MINDY2: variants seen among roughly 807,000 people sequenced by gnomAD.
MINDY2 encodes MINDY lysine 48 deubiquitinase 2.
A neutral mutation model predicts 68.2 loss-of-function variants in MINDY2; 52 were observed. That is an observed-to-expected ratio of 0.76 (90% CI 0.61 to 0.96). The LOEUF (loss-of-function observed/expected upper bound fraction) is 0.96. MINDY2 is among the 40% of genes least tolerant of loss of function. MINDY2 has a pLI of 0.00. For synonymous variants in MINDY2, 372 were observed against 303.0 expected (o/e 1.23, Z -2.36); for missense variants, 881 against 773.4 (o/e 1.14, Z -1.65).
chr15:58,818,152 C>G (rs1468217472), intron 4 of MINDY2, among the ~76,000 whole-genome samples: 2 of 152,156 alleles, frequency 1.3e-5, no homozygotes, highest in African/African-American at 4.8e-5. Flanking sequence ...AGAATATAAG[C>G]TTTATGAAAG....
intron 2 of MINDY2, among the ~76,000 whole-genome samples, chr15:58,788,853 A>T (rs1408199123): frequency 6.6e-6 from 1 of 151,952 alleles, no homozygotes; most frequent in African/African-American, 2.4e-5. Flanking sequence ...GTCTACTAAA[A>T]ATACAAAAAT....
chr15:58,852,002 C>A, intron 8 of MINDY2, 37 bp downstream of exon 8: 3 of 1,476,180 alleles, frequency 2.0e-6, no homozygotes, highest in Non-Finnish European at 1.8e-6. Context: ...ATGTGATGAT[C>A]ATGGCTGGGT....
chr15:58,805,472 GA>G (rs1229022408), intron 3 of MINDY2, among the ~76,000 whole-genome samples: 2 of 152,114 alleles, frequency 1.3e-5, no homozygotes, highest in Admixed American at 1.3e-4. Context: ...AAGAAAACAT[GA>G]TGTGTGTATT....
intron 3 of MINDY2, among the ~76,000 whole-genome samples, chr15:58,804,469 C>G (rs1218937875): frequency 6.6e-6 from 1 of 152,114 alleles, no homozygotes; most frequent in African/African-American, 2.4e-5. Flanking sequence ...CTTTCGTTGC[C>G]TAATCCTGAG....
intron 1 of MINDY2, among the ~76,000 whole-genome samples, chr15:58,785,135 CAAAAAAAAAA>C (rs397719705): frequency 1.5e-5 from 1 of 68,470 alleles, no homozygotes; most frequent in African/African-American, 5.8e-5. Flanking sequence ...TGAAGGAAAG[CAAAAAAAAAA>C]AAAAAAAAAA....
intron 3 of MINDY2, among the ~76,000 whole-genome samples, chr15:58,806,999 G>T (rs1408078096): frequency 3.3e-5 from 5 of 152,116 alleles, no homozygotes; most frequent in African/African-American, 1.2e-4. Flanking sequence ...AATGATTTCT[G>T]TTTACAGTCT....
intron 5 of MINDY2, among the ~76,000 whole-genome samples, chr15:58,831,041 G>GTGTGTGTGTGTATATATATATATATATA (rs565786025): frequency 1.6e-5 from 2 of 124,904 alleles, no homozygotes; most frequent in African/African-American, 6.9e-5. Flanking sequence ...GTGTGTGTGT[G>GTGTGTGTGTGTATATATATATATATATA]TATATATATA....
rs1014701243 is a variant in MINDY2 at position 58,845,427 on chromosome 15, G to A, written c.1369-1870G>A. On this transcript the variant is annotated intron_variant, in intron 6 of 8. Coordinates refer to ENST00000559228, the MANE Select transcript of MINDY2 (RefSeq NM_001040450.3). ...TCTTAAAGAAAAAAGATAAACAAAT[G>A]GCAGACAGGTATGTGAAAAGGTGCT... Among the ~76,000 whole-genome samples, 16 of 151,992 alleles carry A rather than the reference G, an allele frequency of 1.1e-4. No homozygotes were observed. In the East Asian group the frequency reaches 3.1e-3, roughly 29 times the overall value.
At position 58,771,808 on chromosome 15, in the gene MINDY2, C is replaced by T. The variant is rs1374186314; in HGVS notation, c.413C>T (p.Thr138Ile). Residue 138 changes from threonine to isoleucine, a missense_variant, in exon 1 of 9, where the codon ACC becomes ATC. Transcript: ENST00000559228. ...DAGARPDLAG[T>I]CQAELTAAGS... ...GGAGCCCGCCCGGATCTCGCCGGCA[C>T]CTGCCAAGCAGAACTGACCGCCGCC... 107 of 1,610,094 alleles carry T rather than the reference C, an allele frequency of 6.6e-5. No individual in the cohort carries two copies. Among genetic ancestry groups the T allele is most frequent in the Non-Finnish European group, 8.6e-5 (101 of 1,179,026 alleles).
chr15:58,852,938 T>G (rs2032898666), intron 8 of MINDY2, among the ~76,000 whole-genome samples: 2 of 29,980 alleles, frequency 6.7e-5, no homozygotes, highest in Non-Finnish European at 1.6e-4. Flanking sequence ...TTTTTTTTTT[T>G]TTTTTTTTTT....
At chr15:58,807,482 A>T (rs746121283) in intron 3 of MINDY2, among the ~76,000 whole-genome samples, 41 of 149,534 alleles carry the variant, frequency 2.7e-4, no homozygotes, top group Non-Finnish European at 2.1e-4. Context: ...CAGCCTCCCG[A>T]GTAGCTGAGA....
intron 6 of MINDY2, among the ~76,000 whole-genome samples, chr15:58,843,926 A>C (rs1211873783): frequency 6.6e-6 from 1 of 151,466 alleles, no homozygotes; most frequent in African/African-American, 2.4e-5. Context: ...ATAATATTTT[A>C]TAAATTTACA....
intron 4 of MINDY2, among the ~76,000 whole-genome samples, chr15:58,812,599 C>T (rs2030367369): frequency 6.6e-6 from 1 of 152,146 alleles, no homozygotes; most frequent in Admixed American, 6.6e-5. Context: ...GTGGCTCATG[C>T]CTGTAATCCT....
chr15:58,788,164 C>T (rs1358055335), intron 2 of MINDY2, among the ~76,000 whole-genome samples: 7 of 152,164 alleles, frequency 4.6e-5, no homozygotes, highest in African/African-American at 1.7e-4. Context: ...CATTAAAATT[C>T]TGTAATACCC....
intron 2 of MINDY2, among the ~76,000 whole-genome samples, chr15:58,801,710 G>A (rs1902673032): frequency 6.6e-6 from 1 of 152,140 alleles, no homozygotes; most frequent in South Asian, 2.1e-4. Context: ...CGCGATCTCG[G>A]CTCACTGCAG....
chr15:58,837,502 C>T (rs555502567), intron 6 of MINDY2, among the ~76,000 whole-genome samples: 1 of 149,758 alleles, frequency 6.7e-6, no homozygotes, highest in South Asian at 2.1e-4. Context: ...GAGCCCTGAG[C>T]CCAGGAGGGT....
chr15:58,833,180 T>C (rs1180466503), intron 6 of MINDY2, among the ~76,000 whole-genome samples: 1 of 152,234 alleles, frequency 6.6e-6, no homozygotes, highest in Non-Finnish European at 1.5e-5. Context: ...ATCAGTAATA[T>C]ACCGAAAATG....
rs2030674691 is a variant in MINDY2 at position 58,816,188 on chromosome 15, T to C, written c.1123-5529T>C. Among the ~76,000 whole-genome samples, 4 of 152,268 alleles carry C rather than the reference T, an allele frequency of 2.6e-5. No individual in the cohort carries two copies. The South Asian group carries it at 8.3e-4, about 32-fold the overall frequency. On this transcript the variant is annotated intron_variant, in intron 4 of 8. Coordinates refer to ENST00000559228, the MANE Select transcript of MINDY2 (RefSeq NM_001040450.3). ...CTTGGCAGTGCTTTTTTTTCATCTC[T>C]GTCCATTGGTAAAAGCTGCTGGGAT... is the stretch of plus-strand genomic sequence containing the variant.
Position 58,855,563 on chromosome 15 carries a change from G to A in MINDY2, c.*953G>A, listed in dbSNP as rs1567081684. On this transcript the variant is annotated 3_prime_UTR_variant, in exon 9 of 9. Coordinates refer to ENST00000559228, the MANE Select transcript of MINDY2 (RefSeq NM_001040450.3). Reference sequence around the variant, plus strand: ...ATTAAATGTACTTATTAAAACCAATGAAAAAGCACATTTCTGAAATGAAGT... The same window carrying A: ...ATTAAATGTACTTATTAAAACCAATAAAAAAGCACATTTCTGAAATGAAGT... 6.6e-6 allele frequency: 1 copy of A among 152,590 alleles called. No homozygotes were observed. The highest frequency in any genetic ancestry group is 1.5e-5 in the Non-Finnish European group (1 of 68,024). 9.5% of individuals were successfully genotyped at this position (152,590 alleles called of 1,614,324 possible).
Sources: allele counts gnomAD v4.1 joint callset (sites outside exome capture counted in the v4.1 genomes callset), GRCh38; gene constraint gnomAD v4.1.1; transcripts MANE v1.5; gene names NCBI Gene and HGNC (gene_info 2026-07-23, HGNC 2026-07-21).